Variants in SLC16A9 observed in about 807,000 individuals in gnomAD.
SLC16A9 encodes the protein solute carrier family 16 member 9, also known as monocarboxylate transporter 9.
In SLC16A9, 26 loss-of-function variants were observed where a neutral mutation model predicts 44.3. That is an observed-to-expected ratio of 0.59 (90% confidence interval 0.43 to 0.81). SLC16A9 has a LOEUF of 0.81. Ranked by LOEUF, SLC16A9 falls within the 40% of genes least tolerant of loss-of-function variation. The pLI is 0.00. For synonymous variants in SLC16A9, 230 were observed against 225.1 expected, an observed-to-expected ratio of 1.02 and a Z score of -0.19; for missense variants, 559 against 595.8, an observed-to-expected ratio of 0.94 and a Z score of 0.64.
chr10:59,663,318 G>A (rs1170297257), intron 4 of SLC16A9, among the ~76,000 whole-genome samples: 4 of 151,956 alleles, frequency 2.6e-5, no homozygotes, highest in African/African-American at 9.7e-5. Context: ...CCAAGATTGT[G>A]CTGTTACACT....
intron 4 of SLC16A9, among the ~76,000 whole-genome samples, chr10:59,659,184 C>T (rs1045521667): frequency 6.6e-6 from 1 of 152,102 alleles, no homozygotes; most frequent in Admixed American, 6.6e-5. Flanking sequence ...CCTCAGTGAT[C>T]ATCTCTTGAT....
intron 1 of SLC16A9, among the ~76,000 whole-genome samples, chr10:59,703,454 T>C (rs1407541414): frequency 1.3e-5 from 2 of 152,244 alleles, no homozygotes; most frequent in Non-Finnish European, 2.9e-5. Context: ...CGAGGCCTTG[T>C]AGATTTTTTA....
At chr10:59,655,666 C>T (rs1056689032) in intron 4 of SLC16A9, among the ~76,000 whole-genome samples, 36 of 152,054 alleles carry the variant, frequency 2.4e-4, no homozygotes, top group African/African-American at 8.7e-4. Flanking sequence ...GTTATGGTAG[C>T]CTAATCAATT....
chr10:59,703,664 G>A (rs936208293), intron 1 of SLC16A9, among the ~76,000 whole-genome samples: 4 of 152,046 alleles, frequency 2.6e-5, no homozygotes, highest in African/African-American at 7.2e-5. Context: ...TTCGTTTGGC[G>A]GACTCAATGT....
chr10:59,709,973 G>C (rs2132567961), upstream of SLC16A9: 1 of 152,404 alleles, frequency 6.6e-6, no homozygotes, highest in African/African-American at 2.4e-5. Context: ...CCGGCCAGGA[G>C]TAGGGAGGGC....
At chr10:59,680,068 C>T (rs1839954156) in intron 2 of SLC16A9, among the ~76,000 whole-genome samples, 1 of 152,046 alleles carries the variant, frequency 6.6e-6, no homozygotes, top group Non-Finnish European at 1.5e-5. Flanking sequence ...TATTGGCATC[C>T]CTAGCTCAGA....
chr10:59,702,356 G>A (rs72815843), intron 1 of SLC16A9, among the ~76,000 whole-genome samples: 25,268 of 152,126 alleles, frequency 0.17, 2,245 homozygotes, highest in Non-Finnish European at 0.2. Context: ...GATTCTTTCC[G>A]ATTCGGTTTT....
At chr10:59,658,526 T>C (rs375849596) in intron 4 of SLC16A9, among the ~76,000 whole-genome samples, 1 of 152,190 alleles carries the variant, frequency 6.6e-6, no homozygotes, top group South Asian at 2.1e-4. Flanking sequence ...AACTAGACAG[T>C]GTGGATCCAG....
chr10:59,696,212 T>A (rs1239190097), intron 1 of SLC16A9, among the ~76,000 whole-genome samples: 2 of 152,204 alleles, frequency 1.3e-5, no homozygotes, highest in Non-Finnish European at 2.9e-5. Flanking sequence ...TGCCTGATTC[T>A]CCTGCCTCAG....
chr10:59,707,173 C>A lies in SLC16A9; in HGVS notation c.-37+2306G>T, dbSNP rs942411605. 2.0e-5 allele frequency among the ~76,000 whole-genome samples: 3 copies of A among 148,998 alleles called. No individual in the cohort carries two copies. The Admixed American group carries it at 2.0e-4, about 10-fold the overall frequency. Reference sequence around the variant, plus strand: ...GGCTGAGGTGCGAGGATCACCTGAGCCTGGTGAAGTCGAGGCTGCAGTGAG... The same window carrying A: ...GGCTGAGGTGCGAGGATCACCTGAGACTGGTGAAGTCGAGGCTGCAGTGAG... On this transcript the variant is annotated intron_variant, in intron 1 of 5. Coordinates refer to ENST00000395348, the MANE Select transcript of SLC16A9 (RefSeq NM_194298.3).
intron 2 of SLC16A9, among the ~76,000 whole-genome samples, chr10:59,675,068 T>A (rs1839829636): frequency 6.6e-6 from 1 of 152,218 alleles, no homozygotes; most frequent in Admixed American, 6.5e-5. Context: ...AAACAGGGTT[T>A]AAAATTCTCT....
intron 1 of SLC16A9, among the ~76,000 whole-genome samples, chr10:59,687,786 C>G (rs1179418231): frequency 2.0e-5 from 3 of 151,942 alleles, no homozygotes; most frequent in Non-Finnish European, 4.4e-5. Flanking sequence ...CATAGTGAAA[C>G]TCTATCTCTA....
intron 1 of SLC16A9, among the ~76,000 whole-genome samples, chr10:59,696,751 C>T (rs1840389620): frequency 6.6e-6 from 1 of 151,884 alleles, no homozygotes; most frequent in Non-Finnish European, 1.5e-5. Context: ...CTCTGCCCGG[C>T]CGCCCCGTCT....
At chr10:59,699,865 C>A (rs1840482820) in intron 1 of SLC16A9, among the ~76,000 whole-genome samples, 5 of 150,876 alleles carry the variant, frequency 3.3e-5, no homozygotes, top group Admixed American at 1.3e-4. Context: ...ATACTTGGTT[C>A]TAGGTTTTCA....
intron 1 of SLC16A9, among the ~76,000 whole-genome samples, chr10:59,692,804 A>T (rs1354764839): frequency 1.3e-5 from 2 of 152,214 alleles, no homozygotes; most frequent in African/African-American, 4.8e-5. Flanking sequence ...TTGAGAAATA[A>T]TTAACCAATA....
chr10:59,692,124 C>T (rs758786264), intron 1 of SLC16A9, among the ~76,000 whole-genome samples: 1 of 152,190 alleles, frequency 6.6e-6, no homozygotes, highest in Non-Finnish European at 1.5e-5. Context: ...GAATCTCAAT[C>T]ACTACCGGAT....
At chr10:59,677,812 T>G (rs1449716540) in intron 2 of SLC16A9, among the ~76,000 whole-genome samples, 2 of 152,184 alleles carry the variant, frequency 1.3e-5, no homozygotes, top group Non-Finnish European at 2.9e-5. Flanking sequence ...GGAATGAAAT[T>G]ATTCCCTTTA....
intron 1 of SLC16A9, among the ~76,000 whole-genome samples, chr10:59,706,973 T>A (rs1840651949): frequency 9.9e-6 from 1 of 100,680 alleles, no homozygotes; most frequent in Non-Finnish European, 1.9e-5. Flanking sequence ...AAACTCCATC[T>A]CAAAAAAAAG....
At chr10:59,670,405 T>C (rs1318528688) in intron 3 of SLC16A9, among the ~76,000 whole-genome samples, 1 of 152,188 alleles carries the variant, frequency 6.6e-6, no homozygotes, top group Non-Finnish European at 1.5e-5. Context: ...CAAACTCCTA[T>C]AAGACGGGTG....
Sources: gnomAD v4.1 joint callset for allele counts (sites outside exome capture counted in the v4.1 genomes callset) on GRCh38, gnomAD v4.1.1 for gene constraint, MANE v1.5 for transcripts, NCBI Gene and HGNC (gene_info 2026-07-23, HGNC 2026-07-21) for gene names.